The following TMCO4 variants were observed in gnomAD, a reference collection of about 807,000 sequenced individuals.
TMCO4 encodes the protein transmembrane and coiled-coil domain-containing protein 4.
Under a neutral mutation model 64.7 loss-of-function variants are expected in TMCO4, and 58 were observed. That is an observed-to-expected ratio of 0.90 (90% CI 0.73 to 1.12). The LOEUF is 1.12. TMCO4 is among the 50% of genes most tolerant of loss of function. The pLI is 0.00. For synonymous variants in TMCO4, 325 were observed against 346.1 expected (o/e 0.94, Z 0.68); for missense variants, 780 against 825.9 (o/e 0.94, Z 0.68).
Position 19,694,615 on chromosome 1 carries a change from G to A in TMCO4, c.1383-64C>T, listed in dbSNP as rs77979313. 4,462 of 1,487,296 alleles carry A rather than the reference G, an allele frequency of 3.0e-3. 96 individuals are homozygous for A. The African/African-American group carries it at 0.049, about 16-fold the overall frequency. 92.1% of individuals were successfully genotyped at this position (1,487,296 alleles called of 1,614,324 possible). On this transcript the variant is annotated intron_variant, in intron 14 of 15. Coordinates refer to ENST00000294543, the MANE Select transcript of TMCO4 (RefSeq NM_181719.7). ...GCCTCGGACAGCCCAAGGACAGGACGGGCCAGGCTGCCTCCTGGGGAAGCC... is the reference window on the plus strand; with the variant it reads ...GCCTCGGACAGCCCAAGGACAGGACAGGCCAGGCTGCCTCCTGGGGAAGCC...
chr1:19,751,114 C>T (rs536207575), intron 7 of TMCO4, among the ~76,000 whole-genome samples: 88 of 152,326 alleles, frequency 5.8e-4, no homozygotes, highest in African/African-American at 2.0e-3. Context: ...CAAGCCATTT[C>T]CAACTCCCCA....
intron 13 of TMCO4, among the ~76,000 whole-genome samples, chr1:19,736,386 T>G (rs2095454800): frequency 6.6e-6 from 1 of 152,180 alleles, no homozygotes; most frequent in Admixed American, 6.5e-5. Flanking sequence ...CAATTCAAGA[T>G]GAGATTTGGG....
chr1:19,793,316 A>G (rs1341270942), intron 2 of TMCO4, among the ~76,000 whole-genome samples: 1 of 152,158 alleles, frequency 6.6e-6, no homozygotes, highest in African/African-American at 2.4e-5. Context: ...TTCTGGGGCC[A>G]AGGAGAAAGA....
At chr1:19,702,369 A>T (rs2100628169) in intron 13 of TMCO4, among the ~76,000 whole-genome samples, 1 of 149,388 alleles carries the variant, frequency 6.7e-6, no homozygotes, top group Non-Finnish European at 1.5e-5. Context: ...AGGTGGGTGG[A>T]TCACTGAAGG....
chr1:19,781,339 C>T (rs1026268227), intron 3 of TMCO4, among the ~76,000 whole-genome samples: 4 of 151,734 alleles, frequency 2.6e-5, no homozygotes, highest in Admixed American at 1.3e-4. Flanking sequence ...TGGTGGCACA[C>T]GCCTGTAGTT....
In TMCO4 at chr1:19,683,403, G is replaced by A. The variant is rs749568894; in HGVS notation, c.1542C>T (p.Ile514=). ...TGGTGCGGATGCCCACGGCCTTCAG[G>A]ATGGCATCCATCTGCTTGGCATAGT... ...HLDYAKQMDA[I]LKAVGIRTKP... is the part of the protein sequence containing the mutation. The change falls in exon 16 of 16, where the codon ATC becomes ATT. Residue 514 remains isoleucine (I), a synonymous_variant. Coordinates refer to ENST00000294543, the MANE Select transcript of TMCO4 (RefSeq NM_181719.7). 1.1e-5 allele frequency: 17 copies of A among 1,613,528 alleles called. No homozygotes were observed. In the South Asian group the frequency reaches 1.1e-4, roughly 10 times the overall value.
chr1:19,793,182 C>A (rs2044138347), intron 2 of TMCO4, among the ~76,000 whole-genome samples: 1 of 151,972 alleles, frequency 6.6e-6, no homozygotes, highest in Admixed American at 6.6e-5. Flanking sequence ...CTGGACCCCA[C>A]CAGGCTTTCT....
chr1:19,694,605 A>C, intron 14 of TMCO4, 54 bp from the exon 15 acceptor site: 1 of 1,551,054 alleles, frequency 6.4e-7, no homozygotes, highest in Non-Finnish European at 8.9e-7. Flanking sequence ...GGACAGCCCA[A>C]GGACAGGACG....
chr1:19,699,483 A>G (rs936539483), intron 14 of TMCO4, among the ~76,000 whole-genome samples: 5 of 117,446 alleles, frequency 4.3e-5, no homozygotes, highest in African/African-American at 1.9e-4. Flanking sequence ...TCTTTTTCAT[A>G]TACATATATA....
At chr1:19,798,005 A>AAAG (rs2044419434) in intron 2 of TMCO4, 132 bp downstream of exon 2, 1 of 177,674 alleles carries the variant, frequency 5.6e-6, no homozygotes, top group Admixed American at 6.5e-5. Flanking sequence ...AAAGAAAAGA[A>AAAG]AAGAAAAGAA....
chr1:19,784,140 C>T lies in TMCO4; in HGVS notation c.-9+2886G>A, dbSNP rs187011641. Among the ~76,000 whole-genome samples, 652 of 152,262 alleles carry T rather than the reference C, an allele frequency of 4.3e-3. 1 individual carries two copies. The highest frequency in any genetic ancestry group is 0.01 in the African/African-American group (422 of 41,544). On this transcript the variant is annotated intron_variant, in intron 3 of 15. Transcript: ENST00000294543. ...CTGAACTGGTATCTGGGAAGCCCCA[C>T]GCCAGTTCTTAGCTCAATAATAAAC...
chr1:19,685,710 C>CTT (rs55783904), intron 15 of TMCO4, among the ~76,000 whole-genome samples: 1 of 106,614 alleles, frequency 9.4e-6, no homozygotes, highest in Non-Finnish European at 1.9e-5. Flanking sequence ...AGGCCTGTTT[C>CTT]TTTTTTTTTT....
At chr1:19,737,885 G>T (rs556643654) in intron 12 of TMCO4, among the ~76,000 whole-genome samples, 1 of 152,248 alleles carries the variant, frequency 6.6e-6, no homozygotes, top group East Asian at 1.9e-4. Flanking sequence ...CAGGTGTGAG[G>T]GGTAAAAAGG....
At chr1:19,702,283 T>TAAAAAAAA (rs1189963847) in intron 13 of TMCO4, among the ~76,000 whole-genome samples, 1 of 31,316 alleles carries the variant, frequency 3.2e-5, no homozygotes. Context: ...CTCTTGTCTT[T>TAAAAAAAA]ACAAAAAAAA....
At chr1:19,757,650 TC>T (rs2042325486) in intron 6 of TMCO4, among the ~76,000 whole-genome samples, 1 of 152,146 alleles carries the variant, frequency 6.6e-6, no homozygotes, top group Non-Finnish European at 1.5e-5. Flanking sequence ...CATCACTCCT[TC>T]CTTTGGGGGT....
At position 19,682,931 on chromosome 1, in the gene TMCO4, A is replaced by C. The variant is rs1009521752; in HGVS notation, c.*109T>G. 1.4e-5 allele frequency: 19 copies of C among 1,354,872 alleles called. No individual in the cohort carries two copies. Among genetic ancestry groups the C allele is most frequent in the Non-Finnish European group, 1.9e-5 (19 of 986,842 alleles). 83.9% of individuals were successfully genotyped at this position (1,354,872 alleles called of 1,614,324 possible). A position where few individuals can be genotyped will look rare whatever the true frequency, so the allele number is the denominator to read the frequency against. On this transcript the variant is annotated 3_prime_UTR_variant, in exon 16 of 16. Transcript: ENST00000294543. Reference sequence around the variant, plus strand: ...AGTTCCAATTCCTTCCATTTAGGAAAGAGGCCTGTGGAAATCCTGTACCTC... The same window carrying C: ...AGTTCCAATTCCTTCCATTTAGGAACGAGGCCTGTGGAAATCCTGTACCTC...
At chr1:19,756,351 A>G (rs546712270) in intron 6 of TMCO4, among the ~76,000 whole-genome samples, 2 of 152,326 alleles carry the variant, frequency 1.3e-5, no homozygotes, top group Admixed American at 6.5e-5. Flanking sequence ...TGGATGCCCA[A>G]AGACATTGCT....
rs138698842 is a variant in TMCO4 at position 19,718,842 on chromosome 1, A to C, written c.1265-17957T>G. On this transcript the variant is annotated intron_variant, in intron 13 of 15. Coordinates refer to ENST00000294543, the MANE Select transcript of TMCO4 (RefSeq NM_181719.7). The stretch of plus-strand genomic sequence containing the variant: ...GGAGAGGAGCAGGTATTCTCCACCA[A>C]ATTTCTGCCGAGGAATGCGGCGGCA... Among the ~76,000 whole-genome samples the C allele has an allele frequency of 1.4e-3, 211 of 152,050 alleles. 1 individual carries two copies. Among genetic ancestry groups the C allele is most frequent in the African/African-American group, 4.8e-3 (199 of 41,446 alleles).
Position 19,740,969 on chromosome 1 carries a change from T to G in TMCO4, c.878-28A>C, listed in dbSNP as rs1005158612. 5.1e-6 allele frequency: 8 copies of G among 1,574,718 alleles called. No individual in the cohort carries two copies. The African/African-American group carries it at 9.5e-5, about 19-fold the overall frequency. ...GGGGAGATCACAGGTAGGTGAAGTC[T>G]CTCTTGTCTATGGCAGAGGATGCCC... On this transcript the variant is annotated intron_variant, in intron 10 of 15. Coordinates refer to ENST00000294543, the MANE Select transcript of TMCO4 (RefSeq NM_181719.7).
Sources: gnomAD v4.1 joint callset for allele counts (sites outside exome capture counted in the v4.1 genomes callset) on GRCh38, gnomAD v4.1.1 for gene constraint, MANE v1.5 for transcripts, NCBI Gene and HGNC (gene_info 2026-07-23, HGNC 2026-07-21) for gene names.